Variants in TSHZ2 observed in about 807,000 individuals in gnomAD.
The protein encoded by TSHZ2 is teashirt zinc finger homeobox 2.
A neutral mutation model predicts 74.4 loss-of-function variants in TSHZ2; 21 were observed. The observed-to-expected ratio is 0.28, with a 90% confidence interval of 0.20 to 0.41. TSHZ2 has a LOEUF of 0.41. Among genes scored for constraint, TSHZ2 ranks in the 10% least tolerant of loss-of-function variants. The pLI, the probability that TSHZ2 is intolerant of heterozygous loss-of-function variation, is 1.00. For synonymous variants in TSHZ2, 540 were observed against 515.3 expected (o/e 1.05, Z -0.65); for missense variants, 1,244 against 1,293.5 (o/e 0.96, Z 0.59).
intron 2 of TSHZ2, among the ~76,000 whole-genome samples, chr20:53,265,694 G>A (rs753703950): frequency 6.6e-6 from 1 of 152,222 alleles, no homozygotes; most frequent in Non-Finnish European, 1.5e-5. Context: ...GCACAGGTCT[G>A]GCCCACCTGA....
chr20:53,021,311 C>T (rs113329585), intron 1 of TSHZ2, among the ~76,000 whole-genome samples: 3 of 152,180 alleles, frequency 2.0e-5, no homozygotes, highest in African/African-American at 7.2e-5. Flanking sequence ...AATTCAGACT[C>T]TCAGACCCCA....
intron 2 of TSHZ2, among the ~76,000 whole-genome samples, chr20:53,451,268 A>C (rs1465147577): frequency 1.3e-5 from 2 of 152,206 alleles, no homozygotes; most frequent in African/African-American, 4.8e-5. Flanking sequence ...TGACTGATTA[A>C]AACACCTACT....
chr20:53,171,962 A>G (rs1988214023), intron 1 of TSHZ2, among the ~76,000 whole-genome samples: 1 of 152,198 alleles, frequency 6.6e-6, no homozygotes, highest in African/African-American at 2.4e-5. Context: ...CCTCATATGA[A>G]TAAAGGGGAA....
chr20:53,375,255 A>C (rs114185692), intron 2 of TSHZ2, among the ~76,000 whole-genome samples: 5,902 of 152,290 alleles, frequency 0.039, 212 homozygotes, highest in African/African-American at 0.091. Flanking sequence ...AGATTGAAAA[A>C]CACAAAATTA....
chr20:53,255,829 G>T lies in TSHZ2; in HGVS notation c.2371G>T (p.Ala791Ser), dbSNP rs149270719. 1.6e-4 allele frequency: 256 copies of T among 1,612,598 alleles called. No individual in the cohort carries two copies. Among genetic ancestry groups the T allele is most frequent in the Non-Finnish European group, 2.1e-4 (247 of 1,179,306 alleles). ...QSCMSPPQKHALSDIADMVKV... is the reference protein window; with the variant it reads ...QSCMSPPQKHSLSDIADMVKV... ...TTGTATGTCCCCACCTCAGAAGCAC[G>T]CTCTGTCTGACATCGCCGACATGGT... Residue 791 changes from alanine to serine, a missense_variant, in exon 2 of 3, where the codon GCT (alanine) becomes TCT (serine). Ala to Ser is a moderately conservative substitution (Grantham distance 99). Transcript: ENST00000371497. This position sits in a 1 kb window ranked among gnomAD's most constrained non-coding sequence, Gnocchi z 4.1.
At chr20:53,137,169 C>G (rs986585436) in intron 1 of TSHZ2, among the ~76,000 whole-genome samples, 2 of 152,084 alleles carry the variant, frequency 1.3e-5, no homozygotes, top group Admixed American at 6.6e-5. Flanking sequence ...GATAGTAACA[C>G]TTCTGCAGCT....
chr20:53,026,637 A>G (rs546159575), intron 1 of TSHZ2, among the ~76,000 whole-genome samples: 14 of 152,340 alleles, frequency 9.2e-5, no homozygotes, highest in African/African-American at 3.4e-4. Context: ...TGCAAATAAG[A>G]GAGAAAAATA....
At chr20:53,192,674 C>G (rs1248002919) in intron 1 of TSHZ2, among the ~76,000 whole-genome samples, 1 of 151,992 alleles carries the variant, frequency 6.6e-6, no homozygotes, top group Non-Finnish European at 1.5e-5. Context: ...TGTCTCCTGA[C>G]AGAAGATGAG....
intron 1 of TSHZ2, among the ~76,000 whole-genome samples, chr20:53,163,501 G>A (rs1276043290): frequency 6.7e-6 from 1 of 150,040 alleles, no homozygotes; most frequent in African/African-American, 2.5e-5. Flanking sequence ...TGTGCACATT[G>A]TGCAGGTTAG....
chr20:53,371,808 G>T (rs987893060), intron 2 of TSHZ2, among the ~76,000 whole-genome samples: 1 of 151,736 alleles, frequency 6.6e-6, no homozygotes, highest in South Asian at 2.1e-4. Flanking sequence ...CCCAGGAGGC[G>T]GGTGTTGCAG....
At chr20:53,466,434 A>G (rs920913954) in intron 2 of TSHZ2, among the ~76,000 whole-genome samples, 1 of 152,174 alleles carries the variant, frequency 6.6e-6, no homozygotes, top group African/African-American at 2.4e-5. Context: ...GTTAGCTGCA[A>G]TAAATAACAT....
chr20:53,283,823 T>C (rs1991110662), intron 2 of TSHZ2, among the ~76,000 whole-genome samples: 1 of 152,168 alleles, frequency 6.6e-6, no homozygotes, highest in South Asian at 2.1e-4. Flanking sequence ...TTGGTCTGAC[T>C]CTCCAAGATA....
chr20:53,394,879 A>AC, intron 2 of TSHZ2, among the ~76,000 whole-genome samples: 1 of 150,212 alleles, frequency 6.7e-6, no homozygotes, highest in Admixed American at 6.6e-5. Context: ...AAAAAAAAAA[A>AC]AAAAAAAGAT....
chr20:53,001,465 T>C (rs1982439994), intron 1 of TSHZ2, among the ~76,000 whole-genome samples: 1 of 152,030 alleles, frequency 6.6e-6, no homozygotes, highest in Non-Finnish European at 1.5e-5. Context: ...TAAAAACACA[T>C]TCGAGAAGAA....
At chr20:53,260,426 G>C (rs1347911788) in intron 2 of TSHZ2, among the ~76,000 whole-genome samples, 1 of 152,132 alleles carries the variant, frequency 6.6e-6, no homozygotes, top group Non-Finnish European at 1.5e-5. Context: ...AGCAAGCACT[G>C]TGCTAATTCC....
chr20:53,481,444 C>T (rs942875591), intron 2 of TSHZ2, among the ~76,000 whole-genome samples: 4 of 151,958 alleles, frequency 2.6e-5, no homozygotes, highest in Non-Finnish European at 4.4e-5. Flanking sequence ...TGTCCTGGTG[C>T]ACACCTGTGG....
At chr20:53,080,475 T>A (rs1985497506) in intron 1 of TSHZ2, among the ~76,000 whole-genome samples, 2 of 152,158 alleles carry the variant, frequency 1.3e-5, no homozygotes, top group African/African-American at 4.8e-5. Flanking sequence ...GTCCCCAACC[T>A]TTTTGGCACC....
chr20:53,284,671 T>C (rs1991130324), intron 2 of TSHZ2, among the ~76,000 whole-genome samples: 1 of 152,068 alleles, frequency 6.6e-6, no homozygotes, highest in Non-Finnish European at 1.5e-5. Context: ...ACATATTACT[T>C]TTAATTAGCA....
intron 1 of TSHZ2, among the ~76,000 whole-genome samples, chr20:53,163,417 A>G (rs1469963684): frequency 2.5e-5 from 3 of 121,218 alleles, no homozygotes; most frequent in Non-Finnish European, 3.3e-5. Context: ...GTGCCACAGT[A>G]GCTCAAGAAG....
Sources: allele counts gnomAD v4.1 joint callset (sites outside exome capture counted in the v4.1 genomes callset), GRCh38; gene constraint gnomAD v4.1.1; non-coding constraint Gnocchi (gnomAD v3.1); transcripts MANE v1.5; gene names NCBI Gene and HGNC (gene_info 2026-07-23, HGNC 2026-07-21).